BUB3: variants seen among roughly 807,000 people sequenced by gnomAD.
BUB3 encodes the protein mitotic checkpoint protein BUB3.
A neutral mutation model predicts 39.9 loss-of-function variants in BUB3; 22 were observed. That is an observed-to-expected ratio of 0.55 (90% CI 0.39 to 0.79). The LOEUF is 0.79. Among genes scored for constraint, BUB3 ranks in the 30% least tolerant of loss-of-function variants. The pLI, the probability that BUB3 is intolerant of heterozygous loss-of-function variation, is 0.00. For synonymous variants in BUB3, 168 were observed against 155.1 expected (o/e 1.08, Z -0.62); for missense variants, 303 against 415.4 (o/e 0.73, Z 2.35).
At chr10:123,160,376 A>G in intron 4 of BUB3, 31 bp from the exon 5 acceptor site, 1 of 1,479,254 alleles carries the variant, frequency 6.8e-7, no homozygotes, top group South Asian at 1.4e-5. Context: ...CAAGAAGGTG[A>G]TTTTTAGCAA....
intron 2 of BUB3, 29 bp downstream of exon 2, chr10:123,155,141 C>T: frequency 6.2e-7 from 1 of 1,605,544 alleles, no homozygotes; most frequent in South Asian, 1.1e-5. Context: ...TGCTCCTGCC[C>T]TCTTACTGTG....
chr10:123,157,995 A>G (rs1431845987), intron 4 of BUB3, 115 bp downstream of exon 4: 16 of 1,129,942 alleles, frequency 1.4e-5, no homozygotes, highest in Middle Eastern at 2.1e-4. Flanking sequence ...CATGGGGGGA[A>G]AAAAGGTTGA....
At chr10:123,158,028 TAC>T in intron 4 of BUB3, 148 bp downstream of exon 4, 1 of 869,758 alleles carries the variant, frequency 1.1e-6, no homozygotes, top group Non-Finnish European at 1.6e-6. Flanking sequence ...TAAATCCAAC[TAC>T]ATAGAAATGC....
intron 2 of BUB3, 91 bp downstream of exon 2, chr10:123,155,203 G>T: frequency 7.2e-7 from 1 of 1,385,116 alleles, no homozygotes; most frequent in South Asian, 1.4e-5. Flanking sequence ...GGGTAGAGGC[G>T]TCTGTCGGTG....
At chr10:123,158,197 C>T (rs1844374802) in intron 4 of BUB3, among the ~76,000 whole-genome samples, 1 of 152,182 alleles carries the variant, frequency 6.6e-6, no homozygotes, top group Non-Finnish European at 1.5e-5. Context: ...GTTCGATTGT[C>T]TTAAATTGAC....
rs1844474473 is a variant in BUB3, at chr10:123,165,214, G to A, written c.*1379G>A. On this transcript the variant is annotated 3_prime_UTR_variant, in exon 8 of 8. Coordinates refer to ENST00000368865, the MANE Select transcript of BUB3 (RefSeq NM_004725.4). ...ACCTTAATACTTTGTTTAGGATGAG[G>A]AGTCTTTGTGTCCCTGTACAGTAGT... 1 of 794,930 alleles carries A rather than the reference G, an allele frequency of 1.3e-6. No homozygotes were observed. The highest frequency in any genetic ancestry group is 2.5e-5 in the Admixed American group (1 of 39,532). 49.2% of individuals were successfully genotyped at this position (794,930 alleles called of 1,614,324 possible).
intron 4 of BUB3, among the ~76,000 whole-genome samples, chr10:123,159,791 T>G (rs1844397233): frequency 6.6e-6 from 1 of 152,204 alleles, no homozygotes; most frequent in African/African-American, 2.4e-5. Flanking sequence ...GTCAGACCAC[T>G]ATCTTGTCTT....
rs756642442 is a variant in BUB3 at position 123,156,753 on chromosome 10, G to GT, written c.266-965dup. Among the ~76,000 whole-genome samples the GT allele has an allele frequency of 1.4e-3, 186 of 135,004 alleles. 5 individuals carry two copies. Among genetic ancestry groups the GT allele is most frequent in the Middle Eastern group, 4.2e-3 (1 of 238 alleles). The allele number at this position is 135,004 out of a possible 152,430, so 88.6% of individuals were successfully genotyped here. ...ATGAAATCCTTTCTTTTTCTTTCTT[G>GT]TTTTTTTTTTTGAGCTAGAGTCTCA... On this transcript the variant is annotated intron_variant, in intron 3 of 7. Coordinates refer to ENST00000368865, the MANE Select transcript of BUB3 (RefSeq NM_004725.4).
rs376691356 is a variant in BUB3, at chr10:123,160,511, G to A, written c.522G>A (p.Arg174=). 6.2e-7 allele frequency: 1 copy of A among 1,612,782 alleles called. No individual in the cohort carries two copies. The highest frequency in any genetic ancestry group is 1.3e-5 in the African/African-American group (1 of 74,848). ...LRNMGYVQQR[R]ESSLKYQTRC... ...ACATGGGTTACGTGCAGCAGCGCAGGGAGTCCAGCCTGAAATACCAGACTC... is the reference window on the plus strand; with the variant it reads ...ACATGGGTTACGTGCAGCAGCGCAGAGAGTCCAGCCTGAAATACCAGACTC... The change falls in exon 5 of 8, where the codon AGG becomes AGA. Residue 174 remains arginine, a synonymous_variant. Transcript: ENST00000368865.
rs747621370 is a variant in BUB3, at chr10:123,163,884, G to A, written c.*49G>A. 13 of 1,566,974 alleles carry A rather than the reference G, an allele frequency of 8.3e-6. No individual in the cohort carries two copies. Among genetic ancestry groups the A allele is most frequent in the East Asian group, 2.3e-5 (1 of 43,754 alleles). On this transcript the variant is annotated 3_prime_UTR_variant, in exon 8 of 8. Transcript: ENST00000368865. Reference sequence around the variant, plus strand: ...CATGTTGATGATAATAAAACAATTCGTACTCCCCAATGGTGGATTTATTAC... The same window carrying A: ...CATGTTGATGATAATAAAACAATTCATACTCCCCAATGGTGGATTTATTAC...
At chr10:123,156,513 T>G (rs983392165) in intron 3 of BUB3, among the ~76,000 whole-genome samples, 17 of 152,332 alleles carry the variant, frequency 1.1e-4, no homozygotes, top group Non-Finnish European at 2.1e-4. Flanking sequence ...GAAGAGGCTT[T>G]TGCATGAAAG....
chr10:123,155,677 G>A lies in BUB3; in HGVS notation c.215G>A (p.Ser72Asn). ...CAFYDPTHAWSGGLDHQLKMH... is the reference protein window; with the variant it reads ...CAFYDPTHAWNGGLDHQLKMH... ...TTATAGGATCCAACGCATGCCTGGA[G>A]TGGAGGACTAGATCATCAATTGAAA... The change falls in exon 3 of 8, where the codon AGT becomes AAT. Residue 72 changes from serine to asparagine, a missense_variant. This residue lies in a region of BUB3 where 121 missense variants were observed against 122.3 expected (regional missense o/e 0.99). Coordinates refer to ENST00000368865, the MANE Select transcript of BUB3 (RefSeq NM_004725.4). 1 of 1,614,144 alleles carries A rather than the reference G, an allele frequency of 6.2e-7. No individual in the cohort carries two copies. Among genetic ancestry groups the A allele is most frequent in the Non-Finnish European group, 8.5e-7 (1 of 1,179,990 alleles).
At position 123,169,103 on chromosome 10, in the gene BUB3, A is replaced by G. The variant is rs1432560442; in HGVS notation, c.*5268A>G. The G allele has an allele frequency of 6.6e-6, 1 of 152,278 alleles. No homozygotes were observed. The highest frequency in any genetic ancestry group is 2.1e-4 in the South Asian group (1 of 4,836). The allele number at this position is 152,278 out of a possible 1,614,324, so 9.4% of individuals were successfully genotyped here. A position where few individuals can be genotyped will look rare whatever the true frequency, so the allele number is the denominator to read the frequency against. ...CAGGTATCATGTGGGCAGGTGCTCC[A>G]TGTGGCTGGTGATAGTTGTGAGTGA... On this transcript the variant is annotated 3_prime_UTR_variant, in exon 8 of 8. Transcript: ENST00000368865.
intron 4 of BUB3, 60 bp downstream of exon 4, chr10:123,157,940 C>A: frequency 6.7e-7 from 1 of 1,491,422 alleles, no homozygotes; most frequent in Admixed American, 2.1e-5. Context: ...TGTCTTGGTG[C>A]ATGATTGTTG....
In BUB3 at chr10:123,157,693, A is replaced by G. The variant is rs776015878; in HGVS notation, c.266-36A>G. 22 of 1,541,632 alleles carry G rather than the reference A, an allele frequency of 1.4e-5. No individual in the cohort carries two copies. In the South Asian group the frequency reaches 2.6e-4, roughly 18 times the overall value. ...ATCTTTAGTAAAGGTAGTAAGCTAG[A>G]TGTTGGGGTTTTTTCCCCTTTTTTT... On this transcript the variant is annotated intron_variant, in intron 3 of 7. Coordinates refer to ENST00000368865, the MANE Select transcript of BUB3 (RefSeq NM_004725.4).
chr10:123,156,902 C>A (rs1452040981), intron 3 of BUB3, among the ~76,000 whole-genome samples: 2 of 152,066 alleles, frequency 1.3e-5, no homozygotes, highest in Non-Finnish European at 2.9e-5. Flanking sequence ...CGCCACCATG[C>A]TCGGCTAATT....
chr10:123,163,173 T>C, intron 7 of BUB3: 1 of 234,516 alleles, frequency 4.3e-6, no homozygotes, highest in Non-Finnish European at 8.2e-6. Context: ...CTATTTAAGA[T>C]GTTTAAGAAT....
rs562817257 is a variant in BUB3 at position 123,168,759 on chromosome 10, G to T, written c.*4924G>T. ...GTAGAGACCGGGTTTCATCATGTTG[G>T]CCAGGTTGGTCTTGAACTCCTGACT... On this transcript the variant is annotated 3_prime_UTR_variant, in exon 8 of 8. Coordinates refer to ENST00000368865, the MANE Select transcript of BUB3 (RefSeq NM_004725.4). 2 of 152,208 alleles carry T rather than the reference G, an allele frequency of 1.3e-5. No homozygotes were observed. Among genetic ancestry groups the T allele is most frequent in the African/African-American group, 4.8e-5 (2 of 41,492 alleles). The allele number at this position is 152,208 out of a possible 1,614,324, so 9.4% of individuals were successfully genotyped here. A position where few individuals can be genotyped will look rare whatever the true frequency, so the allele number is the denominator to read the frequency against.
At position 123,168,959 on chromosome 10, in the gene BUB3, C is replaced by T. The variant is rs1211838291; in HGVS notation, c.*5124C>T. On this transcript the variant is annotated 3_prime_UTR_variant, in exon 8 of 8. Coordinates refer to ENST00000368865, the MANE Select transcript of BUB3 (RefSeq NM_004725.4). ...CAGGAAAGCCAAAAGATTGGACACC[C>T]CTGCCCTAGAGCATCTGACGCCTGG... is the stretch of plus-strand genomic sequence containing the variant. The T allele has an allele frequency of 2.6e-5, 4 of 152,304 alleles. No homozygotes were observed. The highest frequency in any genetic ancestry group is 1.9e-4 in the East Asian group (1 of 5,190). 9.4% of individuals were successfully genotyped at this position (152,304 alleles called of 1,614,324 possible).
Sources: allele counts gnomAD v4.1 joint callset (sites outside exome capture counted in the v4.1 genomes callset), GRCh38; gene constraint gnomAD v4.1.1; regional missense constraint gnomAD v4.1.1; transcripts MANE v1.5; gene names NCBI Gene and HGNC (gene_info 2026-07-23, HGNC 2026-07-21).